Variants in TNKS observed in about 807,000 individuals in gnomAD.
TNKS encodes tankyrase.
In TNKS, 72 loss-of-function variants were observed where a neutral mutation model predicts 135.8. The observed-to-expected ratio is 0.53, with a 90% CI of 0.44 to 0.64. The LOEUF (loss-of-function observed/expected upper bound fraction) is 0.64, where lower values mean the gene tolerates loss of function less well. Ranked by LOEUF, TNKS falls within the 30% of genes least tolerant of loss-of-function variation. The pLI is 0.00. For missense variants in TNKS, 1,769 were observed against 1,674.0 expected (o/e 1.06, Z -0.99); for synonymous variants, 849 against 649.3 (o/e 1.31, Z -4.68).
intron 2 of TNKS, among the ~76,000 whole-genome samples, chr8:9,604,938 C>A (rs900476541): frequency 2.0e-5 from 3 of 151,904 alleles, no homozygotes; most frequent in African/African-American, 7.2e-5. Context: ...CAGCAATTTT[C>A]TCTTTAGCTG....
At chr8:9,695,389 C>G (rs1049632091) in intron 5 of TNKS, among the ~76,000 whole-genome samples, 2 of 151,874 alleles carry the variant, frequency 1.3e-5, no homozygotes, top group African/African-American at 4.8e-5. Context: ...CTCAGTGGTT[C>G]TAGCTAACTG....
chr8:9,642,584 A>G (rs752970081), intron 3 of TNKS, among the ~76,000 whole-genome samples: 2 of 146,346 alleles, frequency 1.4e-5, no homozygotes, highest in Non-Finnish European at 3.0e-5. Context: ...CTTTTTCATA[A>G]TGTTTTAAAG....
intron 3 of TNKS, among the ~76,000 whole-genome samples, chr8:9,673,471 G>A (rs1410053222): frequency 7.2e-5 from 10 of 139,530 alleles, no homozygotes; most frequent in African/African-American, 2.7e-4. Context: ...TTGAGCAGGA[G>A]TCTTGCTCTG....
chr8:9,746,782 T>G (rs1806257548), intron 17 of TNKS, among the ~76,000 whole-genome samples: 1 of 152,082 alleles, frequency 6.6e-6, no homozygotes. Flanking sequence ...CTCCAACCTT[T>G]TCTGACAAAC....
chr8:9,706,697 A>C (rs988459351), intron 7 of TNKS, 114 bp from the exon 8 acceptor site: 10 of 1,007,928 alleles, frequency 9.9e-6, no homozygotes, highest in Non-Finnish European at 1.4e-5. Context: ...AAGAAATTAA[A>C]ACACTTATTT....
chr8:9,745,853 T>C (rs1296542322), intron 17 of TNKS, among the ~76,000 whole-genome samples: 1 of 152,198 alleles, frequency 6.6e-6, no homozygotes, highest in Non-Finnish European at 1.5e-5. Context: ...AATTAGGAAA[T>C]ACAGATATTT....
At chr8:9,718,029 T>G (rs1419866633) in intron 11 of TNKS, among the ~76,000 whole-genome samples, 1 of 152,138 alleles carries the variant, frequency 6.6e-6, no homozygotes, top group Non-Finnish European at 1.5e-5. Context: ...AAGTTATTAG[T>G]TAGTCCAAAA....
rs1450850893 is a variant in TNKS at position 9,781,527 on chromosome 8, T to C, written c.*4791T>C. On this transcript the variant is annotated 3_prime_UTR_variant, in exon 27 of 27. Coordinates refer to ENST00000310430, the MANE Select transcript of TNKS (RefSeq NM_003747.3). ...GATGACCTTGAGTATGTAAACATTG[T>C]CTCCGTGACACAAAACACTGAAACT... 6.6e-6 allele frequency: 1 copy of C among 152,282 alleles called. No individual in the cohort carries two copies. The highest frequency in any genetic ancestry group is 6.5e-5 in the Admixed American group (1 of 15,290). The allele number at this position is 152,282 out of a possible 1,614,324, so 9.4% of individuals were successfully genotyped here.
intron 2 of TNKS, among the ~76,000 whole-genome samples, chr8:9,613,856 A>T (rs1375595526): frequency 1.3e-5 from 2 of 152,174 alleles, no homozygotes; most frequent in African/African-American, 4.8e-5. Context: ...TCACTATTTT[A>T]CTTCTAGCAC....
chr8:9,600,162 A>G (rs1016781327), intron 2 of TNKS, among the ~76,000 whole-genome samples: 1 of 152,210 alleles, frequency 6.6e-6, no homozygotes, highest in Non-Finnish European at 1.5e-5. Flanking sequence ...CCCACAAGTA[A>G]TGGCAGCAGA....
At chr8:9,603,532 C>A (rs1799100930) in intron 2 of TNKS, among the ~76,000 whole-genome samples, 1 of 152,170 alleles carries the variant, frequency 6.6e-6, no homozygotes, top group Admixed American at 6.5e-5. Flanking sequence ...GACCACACAA[C>A]CATTACTTCT....
chr8:9,558,827 CAT>C (rs1163924741), intron 1 of TNKS: 1 of 152,108 alleles, frequency 6.6e-6, no homozygotes, highest in Non-Finnish European at 1.5e-5. Flanking sequence ...GATATGAAAA[CAT>C]AATGTCCTGT....
intron 2 of TNKS, among the ~76,000 whole-genome samples, chr8:9,603,777 A>G (rs971372347): frequency 6.6e-6 from 1 of 152,168 alleles, no homozygotes; most frequent in African/African-American, 2.4e-5. Context: ...CATCAAAGAA[A>G]TGTTTATCTT....
chr8:9,768,593 G>A (rs976189364), intron 25 of TNKS, among the ~76,000 whole-genome samples: 2 of 152,220 alleles, frequency 1.3e-5, no homozygotes, highest in East Asian at 3.8e-4. Context: ...GCAGCTCACC[G>A]CTGGCTGAGC....
intron 3 of TNKS, among the ~76,000 whole-genome samples, chr8:9,629,562 T>G (rs1800204183): frequency 2.0e-5 from 3 of 152,232 alleles, no homozygotes. Context: ...TTACTCAAGT[T>G]GGTTTCTCTC....
chr8:9,697,760 G>A (rs182743214), intron 5 of TNKS, among the ~76,000 whole-genome samples: 1 of 152,184 alleles, frequency 6.6e-6, no homozygotes, highest in African/African-American at 2.4e-5. Flanking sequence ...ACTCAGAATG[G>A]CTGTTATTAA....
intron 3 of TNKS, among the ~76,000 whole-genome samples, chr8:9,676,769 A>G (rs1802561408): frequency 1.3e-5 from 2 of 151,934 alleles, no homozygotes; most frequent in Non-Finnish European, 2.9e-5. Context: ...ACCAGTAAAA[A>G]CAATTTAGAT....
intron 20 of TNKS, among the ~76,000 whole-genome samples, chr8:9,760,038 C>T (rs930411854): frequency 2.0e-5 from 3 of 150,854 alleles, no homozygotes; most frequent in African/African-American, 7.3e-5. Context: ...GTTGAAGTTA[C>T]CACATAGATA....
chr8:9,692,711 C>G (rs900400436), intron 5 of TNKS, among the ~76,000 whole-genome samples: 9 of 152,148 alleles, frequency 5.9e-5, no homozygotes, highest in Admixed American at 5.9e-4. Context: ...GTGAATAAAA[C>G]AGCTTTTTTC....
Sources: gnomAD v4.1 joint callset for allele counts (sites outside exome capture counted in the v4.1 genomes callset) on GRCh38, gnomAD v4.1.1 for gene constraint, MANE v1.5 for transcripts, NCBI Gene and HGNC (gene_info 2026-07-23, HGNC 2026-07-21) for gene names.